Variants in PRKG2 observed in about 807,000 individuals in gnomAD.
PRKG2 encodes cGMP-dependent protein kinase 2.
A neutral mutation model predicts 97.2 loss-of-function variants in PRKG2; 33 were observed. The observed-to-expected ratio is 0.34, with a 90% CI of 0.26 to 0.45. The LOEUF (loss-of-function observed/expected upper bound fraction) is 0.45, where lower values mean the gene tolerates loss of function less well. Among genes scored for constraint, PRKG2 ranks in the 20% least tolerant of loss-of-function variants. PRKG2 has a pLI of 1.00. For missense variants in PRKG2, 638 were observed against 900.0 expected (o/e 0.71, Z 3.73); for synonymous variants, 330 against 321.8 (o/e 1.03, Z -0.27).
chr4:81,133,086 T>C (rs1327129885), intron 14 of PRKG2, among the ~76,000 whole-genome samples: 2 of 152,100 alleles, frequency 1.3e-5, no homozygotes, highest in African/African-American at 4.8e-5. Context: ...ATACATTGAT[T>C]CTTGGGAACT....
intron 14 of PRKG2, among the ~76,000 whole-genome samples, chr4:81,134,908 A>G (rs1411615609): frequency 2.0e-5 from 3 of 152,186 alleles, no homozygotes; most frequent in Non-Finnish European, 4.4e-5. Context: ...ATAAAATCCA[A>G]TTTTAAAGGC....
intron 2 of PRKG2, among the ~76,000 whole-genome samples, chr4:81,203,886 C>T (rs1257153103): frequency 2.0e-5 from 3 of 152,198 alleles, no homozygotes; most frequent in African/African-American, 7.2e-5. Flanking sequence ...TTAAAGGTCA[C>T]TTCCTCAGCC....
chr4:81,203,654 T>C (rs1360931840), intron 2 of PRKG2, among the ~76,000 whole-genome samples: 1 of 152,124 alleles, frequency 6.6e-6, no homozygotes, highest in Non-Finnish European at 1.5e-5. Context: ...TAATGATGTT[T>C]CTAATGAGTC....
intron 14 of PRKG2, among the ~76,000 whole-genome samples, chr4:81,121,060 C>T (rs577659344): frequency 1.3e-5 from 2 of 151,788 alleles, no homozygotes; most frequent in South Asian, 2.1e-4. Context: ...TAATATAATG[C>T]TTTTTTTTCA....
chr4:81,210,063 A>C (rs35448654), intron 1 of PRKG2, among the ~76,000 whole-genome samples: 1,536 of 152,230 alleles, frequency 0.01, 12 homozygotes, highest in Non-Finnish European at 0.016. Flanking sequence ...CGATCTTATA[A>C]CTTTCACAAA....
At chr4:81,114,454 A>G (rs1310729253) in intron 14 of PRKG2, among the ~76,000 whole-genome samples, 1 of 152,314 alleles carries the variant, frequency 6.6e-6, no homozygotes, top group East Asian at 1.9e-4. Context: ...ATCTTCTTAT[A>G]TAAATTGATG....
At chr4:81,170,147 C>G (rs1750335979) in intron 4 of PRKG2, among the ~76,000 whole-genome samples, 1 of 152,068 alleles carries the variant, frequency 6.6e-6, no homozygotes, top group Admixed American at 6.6e-5. Flanking sequence ...AAGTCACAAA[C>G]AGATAATTGA....
At chr4:81,196,432 G>A (rs1040444671) in intron 2 of PRKG2, among the ~76,000 whole-genome samples, 4 of 152,146 alleles carry the variant, frequency 2.6e-5, no homozygotes, top group Non-Finnish European at 5.9e-5. Context: ...AAACCAATAT[G>A]CTTGCATTTC....
At chr4:81,155,902 C>T (rs2110065337) in intron 6 of PRKG2, among the ~76,000 whole-genome samples, 1 of 152,160 alleles carries the variant, frequency 6.6e-6, no homozygotes, top group Non-Finnish European at 1.5e-5. Context: ...CACCACCAGG[C>T]CTGCCCTAAA....
At chr4:81,138,632 CATATAG>C (rs1195886563) in intron 12 of PRKG2, among the ~76,000 whole-genome samples, 8 of 151,918 alleles carry the variant, frequency 5.3e-5, no homozygotes, top group Non-Finnish European at 1.2e-4. Flanking sequence ...ATTATCTATA[CATATAG>C]ATATAGCTTA....
chr4:81,150,493 T>C (rs1748284275), intron 8 of PRKG2, among the ~76,000 whole-genome samples: 1 of 152,116 alleles, frequency 6.6e-6, no homozygotes, highest in Non-Finnish European at 1.5e-5. Flanking sequence ...AATATAAAAA[T>C]ATTTGTCTCC....
intron 2 of PRKG2, among the ~76,000 whole-genome samples, chr4:81,199,477 A>AT (rs1331523289): frequency 6.6e-6 from 1 of 152,138 alleles, no homozygotes; most frequent in African/African-American, 2.4e-5. Flanking sequence ...GGGTTTTCTG[A>AT]TTTTGAATTC....
chr4:81,118,532 A>T (rs1744774143), intron 14 of PRKG2, among the ~76,000 whole-genome samples: 1 of 152,190 alleles, frequency 6.6e-6, no homozygotes, highest in Non-Finnish European at 1.5e-5. Context: ...TTGATTTGCA[A>T]TTCCCGAAAG....
chr4:81,097,311 A>C (rs1311498704), intron 17 of PRKG2, among the ~76,000 whole-genome samples: 1 of 152,202 alleles, frequency 6.6e-6, no homozygotes, highest in East Asian at 1.9e-4. Flanking sequence ...ATTTGAAAGA[A>C]ATATTTTATT....
At chr4:81,108,233 C>A in intron 15 of PRKG2, among the ~76,000 whole-genome samples, 1 of 151,958 alleles carries the variant, frequency 6.6e-6, no homozygotes, top group East Asian at 1.9e-4. Context: ...AAAACACTTT[C>A]ATATTTATTC....
chr4:81,093,757 C>T (rs1040167585), intron 17 of PRKG2, among the ~76,000 whole-genome samples: 6 of 152,252 alleles, frequency 3.9e-5, no homozygotes, highest in Admixed American at 3.9e-4. Context: ...ATCTGATCTT[C>T]ATATATTTCA....
At chr4:81,157,246 A>T (rs1749186340) in intron 6 of PRKG2, among the ~76,000 whole-genome samples, 1 of 152,152 alleles carries the variant, frequency 6.6e-6, no homozygotes. Flanking sequence ...GATAAAGGGG[A>T]TATCACCACC....
chr4:81,104,292 TC>T, intron 17 of PRKG2, 77 bp downstream of exon 17: 1 of 1,066,468 alleles, frequency 9.4e-7, no homozygotes. Flanking sequence ...CTTTGTGGCC[TC>T]CTGAGAGAAG....
At chr4:81,139,060 A>G (rs987068288) in intron 12 of PRKG2, among the ~76,000 whole-genome samples, 1 of 152,174 alleles carries the variant, frequency 6.6e-6, no homozygotes, top group South Asian at 2.1e-4. Context: ...GGGCATTATA[A>G]CATATATGAA....
Sources: allele counts gnomAD v4.1 joint callset (sites outside exome capture counted in the v4.1 genomes callset), GRCh38; gene constraint gnomAD v4.1.1; transcripts MANE v1.5; gene names NCBI Gene and HGNC (gene_info 2026-07-23, HGNC 2026-07-21).